The following ST3GAL3 variants were observed in gnomAD, a reference collection of about 807,000 sequenced individuals.
The protein encoded by ST3GAL3 is ST3 beta-galactoside alpha-2,3-sialyltransferase 3.
A neutral mutation model predicts 50.1 loss-of-function variants in ST3GAL3; 21 were observed. That is an observed-to-expected ratio of 0.42 (90% CI 0.30 to 0.60). The LOEUF (loss-of-function observed/expected upper bound fraction) is 0.60. Among genes scored for constraint, ST3GAL3 ranks in the 20% least tolerant of loss-of-function variants. The pLI, the probability that ST3GAL3 is intolerant of heterozygous loss-of-function variation, is 0.19. For missense variants in ST3GAL3, 353 were observed against 489.4 expected, an observed-to-expected ratio of 0.72 and a Z score of 2.63; for synonymous variants, 183 against 190.0, an observed-to-expected ratio of 0.96 and a Z score of 0.30.
intron 4 of ST3GAL3, among the ~76,000 whole-genome samples, chr1:43,825,530 G>T (rs1298794602): frequency 2.0e-5 from 3 of 152,182 alleles, no homozygotes; most frequent in South Asian, 2.1e-4. Context: ...TATGTGTAAA[G>T]ATGTAAGATT....
At chr1:43,912,000 G>T (rs2081026391) in intron 9 of ST3GAL3, 1 of 152,142 alleles carries the variant, frequency 6.6e-6, no homozygotes, top group East Asian at 1.9e-4. Context: ...ATAACTTTCA[G>T]ATATTTAGAA....
rs544240509 is a variant in ST3GAL3, at chr1:43,728,062, C to T, written c.-30-8171C>T. Among the ~76,000 whole-genome samples, 19 of 152,062 alleles carry T rather than the reference C, an allele frequency of 1.2e-4. No homozygotes were observed. In the East Asian group the frequency reaches 3.5e-3, roughly 28 times the overall value. ...TAGTAGTCTCCAGTGTCTGTTATTG[C>T]CATCTGTGTGTCCGTAAGTACCCAA... On this transcript the variant is annotated intron_variant, in intron 1 of 11. Transcript: ENST00000347631.
chr1:43,870,120 C>T (rs1052759006), intron 5 of ST3GAL3, among the ~76,000 whole-genome samples: 7 of 152,226 alleles, frequency 4.6e-5, no homozygotes, highest in Admixed American at 6.5e-5. Flanking sequence ...ACCACCTTCT[C>T]TCTTTGGACA....
chr1:43,891,332 G>A (rs2076655554), intron 5 of ST3GAL3, among the ~76,000 whole-genome samples: 1 of 152,244 alleles, frequency 6.6e-6, no homozygotes, highest in African/African-American at 2.4e-5. Context: ...CACTTTGGGA[G>A]GCCAAGGCGG....
intron 2 of ST3GAL3, among the ~76,000 whole-genome samples, chr1:43,787,529 AC>A (rs2057497068): frequency 6.6e-6 from 1 of 152,260 alleles, no homozygotes; most frequent in Non-Finnish European, 1.5e-5. Context: ...TTAAAAACTT[AC>A]ACAAAACATG....
At chr1:43,781,047 A>G (rs755203221) in intron 2 of ST3GAL3, among the ~76,000 whole-genome samples, 1 of 152,044 alleles carries the variant, frequency 6.6e-6, no homozygotes, top group Non-Finnish European at 1.5e-5. Context: ...TCTGTGATGT[A>G]TTTCACGTTC....
intron 9 of ST3GAL3, among the ~76,000 whole-genome samples, chr1:43,915,603 C>T (rs1220839994): frequency 6.6e-6 from 1 of 152,046 alleles, no homozygotes; most frequent in Admixed American, 6.6e-5. Flanking sequence ...GAGGCAGCTG[C>T]TGAGTCTTAG....
At chr1:43,835,345 TC>T (rs980316495) in intron 4 of ST3GAL3, among the ~76,000 whole-genome samples, 60 of 151,948 alleles carry the variant, frequency 3.9e-4, no homozygotes, top group Admixed American at 3.3e-3. Flanking sequence ...TCCCCAACAC[TC>T]CCCCTATTCT....
chr1:43,860,788 A>G (rs960342919), intron 5 of ST3GAL3, among the ~76,000 whole-genome samples: 1 of 152,216 alleles, frequency 6.6e-6, no homozygotes, highest in Non-Finnish European at 1.5e-5. Flanking sequence ...TGTGGGTTAC[A>G]GTCACCATGT....
At chr1:43,824,598 G>A (rs1447744824) in intron 4 of ST3GAL3, 16 of 1,000,364 alleles carry the variant, frequency 1.6e-5, no homozygotes, top group South Asian at 3.9e-5. Context: ...GGAGAGCATA[G>A]CATTGCAGGA....
intron 4 of ST3GAL3, among the ~76,000 whole-genome samples, chr1:43,836,260 T>C (rs2064315403): frequency 6.6e-6 from 1 of 152,240 alleles, no homozygotes; most frequent in South Asian, 2.1e-4. Context: ...TAAGAAAATA[T>C]TGTTTTTCTC....
chr1:43,776,729 T>C (rs1220144937), intron 2 of ST3GAL3, among the ~76,000 whole-genome samples: 1 of 152,182 alleles, frequency 6.6e-6, no homozygotes, highest in South Asian at 2.1e-4. Flanking sequence ...GTGCCCTCCA[T>C]TCTTAATACT....
chr1:43,817,527 CCTT>C (rs1468726511), intron 4 of ST3GAL3, among the ~76,000 whole-genome samples: 11 of 134,934 alleles, frequency 8.2e-5, no homozygotes, highest in South Asian at 2.5e-4. Context: ...CATTCTTCTT[CCTT>C]CTTCTCCTTC....
chr1:43,743,088 CAAA>C (rs34742553), intron 2 of ST3GAL3, among the ~76,000 whole-genome samples: 13 of 108,520 alleles, frequency 1.2e-4, no homozygotes, highest in Non-Finnish European at 1.6e-4. Context: ...GACTCCGTCT[CAAA>C]AAAAAAAAAA....
At chr1:43,918,618 T>C (rs1002291043) in intron 9 of ST3GAL3, among the ~76,000 whole-genome samples, 2 of 152,254 alleles carry the variant, frequency 1.3e-5, no homozygotes, top group Admixed American at 6.5e-5. Flanking sequence ...ATAATTGTTG[T>C]AATAAGTGCA....
intron 9 of ST3GAL3, among the ~76,000 whole-genome samples, chr1:43,903,935 T>C (rs1470502095): frequency 6.6e-6 from 1 of 152,146 alleles, no homozygotes; most frequent in Non-Finnish European, 1.5e-5. Context: ...TTAGATAAGA[T>C]GAAATCTAGA....
intron 2 of ST3GAL3, among the ~76,000 whole-genome samples, chr1:43,749,518 C>T: frequency 6.6e-6 from 1 of 152,140 alleles, no homozygotes; most frequent in Non-Finnish European, 1.5e-5. Context: ...GGGAGGGTCA[C>T]TTGAGCCCAG....
At chr1:43,731,852 AT>A (rs200560788) in intron 1 of ST3GAL3, among the ~76,000 whole-genome samples, 1 of 151,820 alleles carries the variant, frequency 6.6e-6, no homozygotes, top group Non-Finnish European at 1.5e-5. Context: ...TTTAAAAAAA[AT>A]TTTTTGTAGA....
intron 2 of ST3GAL3, among the ~76,000 whole-genome samples, chr1:43,759,986 A>C (rs1689678528): frequency 6.6e-6 from 1 of 152,232 alleles, no homozygotes; most frequent in South Asian, 2.1e-4. Flanking sequence ...AAAAATACGC[A>C]TAAAACACTA....
Sources: gnomAD v4.1 joint callset for allele counts (sites outside exome capture counted in the v4.1 genomes callset) on GRCh38, gnomAD v4.1.1 for gene constraint, MANE v1.5 for transcripts, NCBI Gene and HGNC (gene_info 2026-07-23, HGNC 2026-07-21) for gene names.